The following PTPRR variants were observed in gnomAD, a reference collection of about 807,000 sequenced individuals.
PTPRR encodes the protein receptor-type tyrosine-protein phosphatase R.
PTPRR carries 38 observed loss-of-function variants against 77.2 expected under a neutral mutation model. The observed-to-expected ratio is 0.49, with a 90% CI of 0.38 to 0.65. The LOEUF (loss-of-function observed/expected upper bound fraction) is 0.65, where lower values mean the gene tolerates loss of function less well. Among genes scored for constraint, PTPRR ranks in the 30% least tolerant of loss-of-function variants. The pLI is 0.00. For synonymous variants in PTPRR, 299 were observed against 283.1 expected (o/e 1.06, Z -0.57); for missense variants, 744 against 799.2 (o/e 0.93, Z 0.83).
chr12:70,714,668 G>A (rs1209348075), intron 6 of PTPRR, among the ~76,000 whole-genome samples: 1 of 152,148 alleles, frequency 6.6e-6, no homozygotes, highest in Admixed American at 6.6e-5. Flanking sequence ...TCATGCAAAT[G>A]TATCTGTACG....
At chr12:70,889,411 C>A (rs78901527) in intron 2 of PTPRR, among the ~76,000 whole-genome samples, 4,433 of 152,248 alleles carry the variant, frequency 0.029, 111 homozygotes, top group Non-Finnish European at 0.047. Flanking sequence ...AACAGCAGAA[C>A]AAAGCTGAGG....
At chr12:70,856,742 G>A (rs2137074562) in intron 2 of PTPRR, among the ~76,000 whole-genome samples, 1 of 151,590 alleles carries the variant, frequency 6.6e-6, no homozygotes, top group East Asian at 2.0e-4. Context: ...ATATCAGTTA[G>A]AATTATTTAG....
At chr12:70,722,551 C>T (rs1161912195) in intron 6 of PTPRR, among the ~76,000 whole-genome samples, 2 of 152,058 alleles carry the variant, frequency 1.3e-5, no homozygotes, top group Admixed American at 6.5e-5. Flanking sequence ...CTTGGAGGGA[C>T]GCGGAGGTCA....
chr12:70,818,764 TATTTTC>T (rs1401580935), intron 2 of PTPRR, among the ~76,000 whole-genome samples: 1 of 152,078 alleles, frequency 6.6e-6, no homozygotes, highest in Non-Finnish European at 1.5e-5. Flanking sequence ...ATATTAAAGA[TATTTTC>T]AGAAAAAAAT....
At chr12:70,755,362 T>C (rs529115953) in intron 4 of PTPRR, among the ~76,000 whole-genome samples, 21 of 152,256 alleles carry the variant, frequency 1.4e-4, no homozygotes, top group Admixed American at 1.0e-3. Flanking sequence ...GTCTGAACTT[T>C]GAAATCATTG....
chr12:70,842,059 T>C (rs1333399690), intron 2 of PTPRR, among the ~76,000 whole-genome samples: 3 of 152,198 alleles, frequency 2.0e-5, no homozygotes, highest in African/African-American at 7.2e-5. Flanking sequence ...TTTACAGCCA[T>C]ATTTCCTCTT....
At chr12:70,788,909 G>C (rs1277189168) in intron 2 of PTPRR, 11 of 1,472,128 alleles carry the variant, frequency 7.5e-6, no homozygotes, top group Non-Finnish European at 8.9e-6. Flanking sequence ...AGGACTAATC[G>C]TAAAGCTTTC....
rs1452642536 is a variant in PTPRR, at chr12:70,728,432, C to A, written c.1007+17386G>T. 8.5e-4 allele frequency among the ~76,000 whole-genome samples: 120 copies of A among 140,510 alleles called. 1 individual carries two copies. The highest frequency in any genetic ancestry group is 3.1e-3 in the African/African-American group (117 of 38,282). 92.2% of individuals were successfully genotyped at this position (140,510 alleles called of 152,430 possible). ...GATAAGGGATACAGGGATACTCAAC[C>A]TGTACTGGGTTATTCAATTATATAT... On this transcript the variant is annotated intron_variant, in intron 6 of 13. Transcript: ENST00000283228.
chr12:70,778,391 T>C lies in PTPRR; in HGVS notation c.358-13613A>G, dbSNP rs184652851. The stretch of plus-strand genomic sequence containing the variant: ...TATTTCTTTGGGTTGATAGTGCCTG[T>C]AATGTGGTATGCCGTTATAGTCTAC... On this transcript the variant is annotated intron_variant, in intron 2 of 13. Coordinates refer to ENST00000283228, the MANE Select transcript of PTPRR (RefSeq NM_002849.4). Among the ~76,000 whole-genome samples the C allele has an allele frequency of 9.0e-4, 137 of 152,286 alleles. 2 individuals carry two copies. The highest frequency in any genetic ancestry group is 1.0e-3 in the South Asian group (5 of 4,820).
chr12:70,867,602 C>A (rs1219981182), intron 2 of PTPRR, among the ~76,000 whole-genome samples: 3 of 151,010 alleles, frequency 2.0e-5, no homozygotes, highest in East Asian at 1.9e-4. Flanking sequence ...GTGAAAATGG[C>A]CATACTGCCC....
At chr12:70,694,526 A>G (rs974368400) in intron 8 of PTPRR, among the ~76,000 whole-genome samples, 1 of 152,228 alleles carries the variant, frequency 6.6e-6, no homozygotes, top group African/African-American at 2.4e-5. Context: ...GCTGGAGGCC[A>G]TTATTCTAAG....
rs188224458 is a variant in PTPRR at position 70,718,617 on chromosome 12, G to A, written c.1008-17294C>T. Among the ~76,000 whole-genome samples the A allele has an allele frequency of 1.7e-3, 266 of 152,260 alleles. 2 individuals are homozygous for A. The highest frequency in any genetic ancestry group is 3.1e-3 in the Non-Finnish European group (208 of 68,022). On this transcript the variant is annotated intron_variant, in intron 6 of 13. Transcript: ENST00000283228. Reference sequence around the variant, plus strand: ...CCTTTTTTGTGTCTTACCATTCAGGGTTGAATATTTGGTGGAATGTTTTAA... The same window carrying A: ...CCTTTTTTGTGTCTTACCATTCAGGATTGAATATTTGGTGGAATGTTTTAA...
chr12:70,775,573 T>C (rs1891069567), intron 2 of PTPRR, among the ~76,000 whole-genome samples: 1 of 152,204 alleles, frequency 6.6e-6, no homozygotes, highest in African/African-American at 2.4e-5. Context: ...GGACTTTCAT[T>C]TGGTCATACC....
At chr12:70,779,848 T>C (rs1253930048) in intron 2 of PTPRR, among the ~76,000 whole-genome samples, 1 of 152,236 alleles carries the variant, frequency 6.6e-6, no homozygotes, top group African/African-American at 2.4e-5. Flanking sequence ...TTAGTTTACC[T>C]GTAATACCTA....
chr12:70,792,649 A>G (rs1891441278), intron 2 of PTPRR, among the ~76,000 whole-genome samples: 1 of 152,216 alleles, frequency 6.6e-6, no homozygotes, highest in African/African-American at 2.4e-5. Context: ...GGGGATAGGT[A>G]TTAAGAAAAA....
chr12:70,826,265 A>G (rs1892106849), intron 2 of PTPRR, among the ~76,000 whole-genome samples: 1 of 152,286 alleles, frequency 6.6e-6, no homozygotes, highest in East Asian at 1.9e-4. Flanking sequence ...GAATAGTGCT[A>G]ATAGGGTGTG....
intron 2 of PTPRR, among the ~76,000 whole-genome samples, chr12:70,775,505 AATT>A (rs1413218195): frequency 1.3e-5 from 2 of 152,168 alleles, no homozygotes; most frequent in African/African-American, 4.8e-5. Context: ...AGGATAATTG[AATT>A]ATTTTTGCCT....
intron 2 of PTPRR, among the ~76,000 whole-genome samples, chr12:70,792,223 T>C (rs990538322): frequency 6.6e-6 from 1 of 152,174 alleles, no homozygotes; most frequent in Admixed American, 6.5e-5. Context: ...GTGTAGGGTG[T>C]TGCCTGGAAC....
Position 70,791,407 on chromosome 12 carries a change from A to G in PTPRR, c.358-26629T>C, listed in dbSNP as rs192456969. Among the ~76,000 whole-genome samples, 32 of 152,282 alleles carry G rather than the reference A, an allele frequency of 2.1e-4. No homozygotes were observed. In the East Asian group the frequency reaches 4.8e-3, roughly 23 times the overall value. On this transcript the variant is annotated intron_variant, in intron 2 of 13. Transcript: ENST00000283228. ...TCATTCAGGTCTCTACTGAAACATT[A>G]CCTTTTCAGAGATGCCTCCACTAAT...
Sources: gnomAD v4.1 joint callset for allele counts (sites outside exome capture counted in the v4.1 genomes callset) on GRCh38, gnomAD v4.1.1 for gene constraint, MANE v1.5 for transcripts, NCBI Gene and HGNC (gene_info 2026-07-23, HGNC 2026-07-21) for gene names.